Variants in ENTREP2 observed in about 807,000 individuals in gnomAD.
ENTREP2 encodes the protein protein ENTREP2.
chr15:29,656,211 A>G, the ENTREP2 span, among the ~76,000 whole-genome samples: 6 of 151,806 alleles, frequency 4.0e-5, no homozygotes, highest in East Asian at 1.9e-4. Flanking sequence ...TGCTATCAAT[A>G]TAAGAAATGT....
the ENTREP2 span, among the ~76,000 whole-genome samples, chr15:29,346,085 G>A: frequency 6.6e-6 from 1 of 152,220 alleles, no homozygotes; most frequent in Non-Finnish European, 1.5e-5. Flanking sequence ...CGGCGAACGA[G>A]CTCCAGAGCC....
the ENTREP2 span, among the ~76,000 whole-genome samples, chr15:29,256,368 G>T: frequency 1.3e-5 from 2 of 152,036 alleles, no homozygotes; most frequent in African/African-American, 4.8e-5. Flanking sequence ...CAAAAAAACC[G>T]CAAACAAAAC....
chr15:29,172,334 G>T, the ENTREP2 span, among the ~76,000 whole-genome samples: 1 of 152,350 alleles, frequency 6.6e-6, no homozygotes, highest in South Asian at 2.1e-4. Context: ...TATTAATCCA[G>T]TATCCAATCA....
the ENTREP2 span, among the ~76,000 whole-genome samples, chr15:29,477,906 T>C: frequency 1.3e-5 from 2 of 150,638 alleles, no homozygotes; most frequent in Admixed American, 6.6e-5. Flanking sequence ...TGAATCACTG[T>C]CCAGCAGAAG....
the ENTREP2 span, among the ~76,000 whole-genome samples, chr15:29,433,797 AAAC>A: frequency 3.4e-5 from 5 of 146,638 alleles, no homozygotes; most frequent in Admixed American, 3.4e-4. Flanking sequence ...AAAAAAAAAA[AAAC>A]AGCTACCTTC....
At chr15:29,281,040 A>G in the ENTREP2 span, among the ~76,000 whole-genome samples, 4 of 152,142 alleles carry the variant, frequency 2.6e-5, no homozygotes, top group African/African-American at 9.7e-5. Flanking sequence ...CAAGTGGTTC[A>G]TACTCTCATG....
chr15:29,394,041 CA>C, the ENTREP2 span, among the ~76,000 whole-genome samples: 1 of 151,820 alleles, frequency 6.6e-6, no homozygotes, highest in Non-Finnish European at 1.5e-5. Context: ...TTCACAAAAG[CA>C]AAAAAATTAA....
the ENTREP2 span, among the ~76,000 whole-genome samples, chr15:29,655,192 C>T: frequency 3.9e-5 from 6 of 152,184 alleles, no homozygotes; most frequent in African/African-American, 1.4e-4. Flanking sequence ...CAGCTTTTTC[C>T]ATGTGCCCTT....
the ENTREP2 span, chr15:29,269,933 C>T: frequency 2.1e-6 from 1 of 481,154 alleles, no homozygotes; most frequent in Non-Finnish European, 3.6e-6. Flanking sequence ...CCCTGCAGGT[C>T]CGGGCGATGA....
At chr15:29,145,377 C>T in the ENTREP2 span, among the ~76,000 whole-genome samples, 1 of 152,124 alleles carries the variant, frequency 6.6e-6, no homozygotes, top group Non-Finnish European at 1.5e-5. Context: ...AATCCCAGCA[C>T]TTTGGGAGGC....
chr15:29,298,248 G>C, the ENTREP2 span, among the ~76,000 whole-genome samples: 1 of 152,092 alleles, frequency 6.6e-6, no homozygotes, highest in Non-Finnish European at 1.5e-5. Flanking sequence ...TGTGTTTAGA[G>C]GGAATTTATA....
At chr15:29,156,570 C>T in the ENTREP2 span, among the ~76,000 whole-genome samples, 35 of 152,024 alleles carry the variant, frequency 2.3e-4, no homozygotes, top group East Asian at 4.5e-3. Flanking sequence ...GAGTAAACAT[C>T]GGTTGAAGTG....
the ENTREP2 span, among the ~76,000 whole-genome samples, chr15:29,345,086 C>T: frequency 1.3e-5 from 2 of 152,088 alleles, no homozygotes; most frequent in African/African-American, 2.4e-5. Context: ...AAAGAACTGT[C>T]ATGAAATCCG....
chr15:29,319,454 A>G, the ENTREP2 span, among the ~76,000 whole-genome samples: 4 of 152,198 alleles, frequency 2.6e-5, no homozygotes, highest in Non-Finnish European at 5.9e-5. Flanking sequence ...CATCAGTCCA[A>G]TGGCAGAGCA....
At chr15:29,322,977 T>G in the ENTREP2 span, among the ~76,000 whole-genome samples, 1 of 152,212 alleles carries the variant, frequency 6.6e-6, no homozygotes. Context: ...CAACATCTAT[T>G]GAGTGATTAT....
chr15:29,213,352 A>T, the ENTREP2 span, among the ~76,000 whole-genome samples: 1 of 152,084 alleles, frequency 6.6e-6, no homozygotes, highest in Non-Finnish European at 1.5e-5. Flanking sequence ...CTTGATGGGG[A>T]TGGCATTGAA....
chr15:29,598,607 T>G, the ENTREP2 span, among the ~76,000 whole-genome samples: 2 of 152,244 alleles, frequency 1.3e-5, no homozygotes. Flanking sequence ...TTTAAAATTT[T>G]CAAACTAAAA....
the ENTREP2 span, among the ~76,000 whole-genome samples, chr15:29,277,234 C>G: frequency 1.3e-5 from 2 of 151,904 alleles, no homozygotes; most frequent in African/African-American, 4.8e-5. Context: ...GTCCCAGCTA[C>G]TCGGGAGGCT....
At chr15:29,554,331 A>C in the ENTREP2 span, among the ~76,000 whole-genome samples, 3 of 148,010 alleles carry the variant, frequency 2.0e-5, no homozygotes, top group African/African-American at 7.5e-5. Context: ...AAAAAAAAGG[A>C]AGGAAGGAAG....
Sources: gnomAD v4.1 joint callset for allele counts (sites outside exome capture counted in the v4.1 genomes callset) on GRCh38, gnomAD v4.1.1 for gene constraint, MANE v1.5 for transcripts, NCBI Gene and HGNC (gene_info 2026-07-23, HGNC 2026-07-21) for gene names.